RBP7: variants seen among roughly 807,000 people sequenced by gnomAD.
The protein encoded by RBP7 is retinoid-binding protein 7.
A neutral mutation model predicts 16.7 loss-of-function variants in RBP7; 13 were observed. The ratio of observed to expected loss-of-function variants is 0.78; its 90% confidence interval spans 0.51 to 1.24. The LOEUF is 1.24. Ranked by LOEUF, RBP7 falls within the 50% of genes most tolerant of loss-of-function variation. The probability of loss-of-function intolerance (pLI) is 0.00; values close to 1 mark genes in which losing one functional copy is unlikely to be tolerated. For synonymous variants in RBP7, 54 were observed against 56.2 expected, an observed-to-expected ratio of 0.96 and a Z score of 0.17; for missense variants, 145 against 159.5, an observed-to-expected ratio of 0.91 and a Z score of 0.49.
chr1:10,005,873 T>G (rs1642428718), intron 1 of RBP7, among the ~76,000 whole-genome samples: 1 of 152,048 alleles, frequency 6.6e-6, no homozygotes, highest in Non-Finnish European at 1.5e-5. Context: ...GAATCACGTC[T>G]CATCTCTAAC....
chr1:10,012,772 A>G (rs1030407352), intron 3 of RBP7, among the ~76,000 whole-genome samples: 2 of 151,274 alleles, frequency 1.3e-5, no homozygotes, highest in Admixed American at 6.6e-5. Context: ...CGTCTCTATT[A>G]AAAATACAAA....
chr1:10,000,297 C>T (rs551190153), intron 1 of RBP7, among the ~76,000 whole-genome samples: 8 of 150,780 alleles, frequency 5.3e-5, no homozygotes, highest in African/African-American at 1.9e-4. Context: ...TTTGGGAGGC[C>T]GAGGTGGGTG....
At position 9,999,095 on chromosome 1, in the gene RBP7, A is replaced by T. The variant is rs555188224; in HGVS notation, c.73+1764A>T. ...CTGTTCTGGTGGTAGTGAATGTCTC[A>T]TGAGATTTGATGGTTTTACAAGGGG... On this transcript the variant is annotated intron_variant, in intron 1 of 3. Transcript: ENST00000294435. Among the ~76,000 whole-genome samples the T allele has an allele frequency of 1.1e-4, 17 of 152,218 alleles. 1 individual carries two copies. The South Asian group carries it at 3.5e-3, about 32-fold the overall frequency.
In RBP7 at chr1:9,997,429, C is replaced by A. The variant is rs975041139; in HGVS notation, c.73+98C>A. On this transcript the variant is annotated intron_variant, in intron 1 of 3. Transcript: ENST00000294435. The surrounding 1 kb of genome is among the most constrained non-coding windows in gnomAD (Gnocchi z 5.9). ...CGGGCCTGTAGGTACGTCCTCTGTCCGTGCCTCCGCCCTGCTGCGCCCACC... is the reference window on the plus strand; with the variant it reads ...CGGGCCTGTAGGTACGTCCTCTGTCAGTGCCTCCGCCCTGCTGCGCCCACC... The A allele has an allele frequency of 5.1e-6, 6 of 1,173,942 alleles. No homozygotes were observed. Among genetic ancestry groups the A allele is most frequent in the African/African-American group, 4.7e-5 (3 of 63,634 alleles). The allele number at this position is 1,173,942 out of a possible 1,614,324, so 72.7% of individuals were successfully genotyped here.
intron 3 of RBP7, among the ~76,000 whole-genome samples, chr1:10,013,321 C>G (rs963558926): frequency 3.3e-5 from 5 of 152,082 alleles, no homozygotes; most frequent in East Asian, 2.0e-4. Context: ...GATCCACCCC[C>G]CTCAGCCTCC....
chr1:10,013,773 G>A (rs1024561197), intron 3 of RBP7, among the ~76,000 whole-genome samples: 32 of 152,070 alleles, frequency 2.1e-4, no homozygotes, highest in South Asian at 6.2e-4. Flanking sequence ...TCGCGCCATT[G>A]CACTCCAGCC....
At chr1:10,005,511 T>A (rs1160335716) in intron 1 of RBP7, among the ~76,000 whole-genome samples, 1 of 152,032 alleles carries the variant, frequency 6.6e-6, no homozygotes, top group East Asian at 1.9e-4. Context: ...TACAAAAATT[T>A]TTTCTTAGGA....
chr1:10,008,503 C>T (rs914653988), intron 3 of RBP7, among the ~76,000 whole-genome samples: 10 of 149,556 alleles, frequency 6.7e-5, no homozygotes, highest in Non-Finnish European at 1.0e-4. Context: ...TGCAGTGGCG[C>T]GATCTCGGCT....
At chr1:10,000,636 TCATGTA>T (rs997290004) in intron 1 of RBP7, among the ~76,000 whole-genome samples, 4 of 152,246 alleles carry the variant, frequency 2.6e-5, no homozygotes, top group Admixed American at 6.5e-5. Context: ...ATATGCTTGT[TCATGTA>T]CATGTAAGGA....
In RBP7 at chr1:10,016,012, T is replaced by G. The variant is rs1167040724; in HGVS notation, c.*180T>G. The stretch of plus-strand genomic sequence containing the variant: ...AAACTGCTCAGCTTCAATAAACCTG[T>G]CCAAATGACTCTGAAGTTTTTCCTT... On this transcript the variant is annotated 3_prime_UTR_variant, in exon 4 of 4. Transcript: ENST00000294435. 1.7e-6 allele frequency: 1 copy of G among 588,966 alleles called. No individual in the cohort carries two copies. Among genetic ancestry groups the G allele is most frequent in the African/African-American group, 1.9e-5 (1 of 53,522 alleles). 36.5% of individuals were successfully genotyped at this position (588,966 alleles called of 1,614,324 possible).
intron 1 of RBP7, among the ~76,000 whole-genome samples, chr1:10,005,426 T>C (rs1367616691): frequency 6.6e-6 from 1 of 152,070 alleles, no homozygotes; most frequent in East Asian, 1.9e-4. Flanking sequence ...GGTCTTGAAC[T>C]CCTGGGCTCA....
intron 3 of RBP7, among the ~76,000 whole-genome samples, chr1:10,012,486 G>C (rs938719464): frequency 1.3e-5 from 2 of 152,128 alleles, no homozygotes; most frequent in African/African-American, 4.8e-5. Context: ...GTTTGTAAGA[G>C]GTAATGTTCA....
intron 3 of RBP7, among the ~76,000 whole-genome samples, chr1:10,011,345 GTCT>G (rs1250175283): frequency 6.6e-6 from 1 of 152,124 alleles, no homozygotes; most frequent in Non-Finnish European, 1.5e-5. Flanking sequence ...GTAGAGGGAA[GTCT>G]TCTCTGGTGC....
chr1:10,000,498 C>A (rs992939830), intron 1 of RBP7, among the ~76,000 whole-genome samples: 1 of 151,658 alleles, frequency 6.6e-6, no homozygotes, highest in Non-Finnish European at 1.5e-5. Flanking sequence ...CACGACACTG[C>A]ACTCTAGCCT....
At chr1:10,003,000 T>TTCATAAAAC (rs1642322502) in intron 1 of RBP7, among the ~76,000 whole-genome samples, 2 of 152,252 alleles carry the variant, frequency 1.3e-5, no homozygotes, top group South Asian at 4.1e-4. Flanking sequence ...GAAGCAGCTT[T>TTCATAAAAC]TCATAAAACA....
In RBP7 at chr1:9,997,940, G is replaced by C. The variant is rs969328693; in HGVS notation, c.73+609G>C. On this transcript the variant is annotated intron_variant, in intron 1 of 3. Transcript: ENST00000294435. This position sits in a 1 kb window ranked among gnomAD's most constrained non-coding sequence, Gnocchi z 5.9. ...GGGAGTGCAGAGCCTGGTTCGGCCCGGGGCGTGCCCCGACCGCCGCCTCCC... is the reference window on the plus strand; with the variant it reads ...GGGAGTGCAGAGCCTGGTTCGGCCCCGGGCGTGCCCCGACCGCCGCCTCCC... 6.6e-6 allele frequency among the ~76,000 whole-genome samples: 1 copy of C among 152,190 alleles called. No individual in the cohort carries two copies. The highest frequency in any genetic ancestry group is 2.4e-5 in the African/African-American group (1 of 41,550).
chr1:10,005,036 CAA>C lies in RBP7; in HGVS notation c.74-2533_74-2532del, dbSNP rs1339598731. ...GGAAGTGATTTTAAGGTTTTGGTCT[CAA>C]TACTTAAATATTTAAATATTGTTGA... On this transcript the variant is annotated intron_variant, in intron 1 of 3. Coordinates refer to ENST00000294435, the MANE Select transcript of RBP7 (RefSeq NM_052960.3). Among the ~76,000 whole-genome samples the C allele has an allele frequency of 2.6e-5, 4 of 152,042 alleles. No homozygotes were observed. The East Asian group carries it at 5.8e-4, about 22-fold the overall frequency.
intron 3 of RBP7, among the ~76,000 whole-genome samples, chr1:10,012,211 C>CA (rs35228920): frequency 0.24 from 11,993 of 50,174 alleles, 1,158 homozygotes; most frequent in Non-Finnish European, 0.32. Flanking sequence ...AACTCCATCT[C>CA]AAAAAAAAAA....
intron 3 of RBP7, 74 bp downstream of exon 3, chr1:10,008,348 C>T: frequency 1.1e-6 from 1 of 933,724 alleles, no homozygotes; most frequent in East Asian, 2.5e-5. Context: ...TGGTGGCTCA[C>T]ACCTGTAATC....
Sources: allele counts gnomAD v4.1 joint callset (sites outside exome capture counted in the v4.1 genomes callset), GRCh38; gene constraint gnomAD v4.1.1; non-coding constraint Gnocchi (gnomAD v3.1); transcripts MANE v1.5; gene names NCBI Gene and HGNC (gene_info 2026-07-23, HGNC 2026-07-21).